TMEM169: variants seen among roughly 807,000 people sequenced by gnomAD.
TMEM169 encodes the protein transmembrane protein 169.
A neutral mutation model predicts 27.3 loss-of-function variants in TMEM169; 18 were observed. That is an observed-to-expected ratio of 0.66 (90% CI 0.46 to 0.98). The LOEUF is 0.98. TMEM169 is among the 50% of genes least tolerant of loss of function. TMEM169 has a pLI of 0.00. For synonymous variants in TMEM169, 136 were observed against 142.1 expected, an observed-to-expected ratio of 0.96 and a Z score of 0.30; for missense variants, 320 against 368.6, an observed-to-expected ratio of 0.87 and a Z score of 1.08.
At chr2:216,089,761 C>T (rs919366693) in intron 1 of TMEM169, among the ~76,000 whole-genome samples, 6 of 152,170 alleles carry the variant, frequency 3.9e-5, no homozygotes, top group Non-Finnish European at 8.8e-5. Context: ...GCCTTGACTT[C>T]TTCTAAATCT....
At chr2:216,097,940 G>A (rs1016779113) in intron 2 of TMEM169, among the ~76,000 whole-genome samples, 19 of 152,256 alleles carry the variant, frequency 1.2e-4, no homozygotes, top group Admixed American at 1.2e-3. Context: ...CTAGGGCAGA[G>A]TTTTTGGAGG....
At chr2:216,083,870 G>T (rs983257838) in intron 1 of TMEM169, among the ~76,000 whole-genome samples, 1 of 152,148 alleles carries the variant, frequency 6.6e-6, no homozygotes, top group African/African-American at 2.4e-5. Flanking sequence ...CCACTAATCC[G>T]CTAAGTTCCA....
chr2:216,097,540 A>C (rs1007870911), intron 2 of TMEM169, among the ~76,000 whole-genome samples: 19 of 152,038 alleles, frequency 1.2e-4, no homozygotes, highest in Non-Finnish European at 2.4e-4. Context: ...CTGCCACTGC[A>C]CTCCAGCCTG....
chr2:216,100,584 T>C lies in TMEM169; in HGVS notation c.*42T>C. Reference sequence around the variant, plus strand: ...TCCCTCCTCTGGCCCCAGTAGCCTATATATCATCTTAAAATTCCAGCAGAT... The same window carrying C: ...TCCCTCCTCTGGCCCCAGTAGCCTACATATCATCTTAAAATTCCAGCAGAT... On this transcript the variant is annotated 3_prime_UTR_variant, in exon 3 of 3. Coordinates refer to ENST00000437356, the MANE Select transcript of TMEM169 (RefSeq NM_001142311.2). 6.2e-7 allele frequency: 1 copy of C among 1,611,046 alleles called. No individual in the cohort carries two copies. The highest frequency in any genetic ancestry group is 8.5e-7 in the Non-Finnish European group (1 of 1,179,102).
Position 216,100,226 on chromosome 2 carries a change from T to A in TMEM169, c.578T>A (p.Val193Glu). 4 of 1,613,830 alleles carry A rather than the reference T, an allele frequency of 2.5e-6. No individual in the cohort carries two copies. Among genetic ancestry groups the A allele is most frequent in the Non-Finnish European group, 3.4e-6 (4 of 1,179,988 alleles). ...GTITWYNIFL[V>E]YNEERTFWHK... ...ATCACCTGGTACAACATCTTCCTCG[T>A]GTATAATGAGGAAAGGACCTTCTGG... The change falls in exon 3 of 3, where the codon GTG becomes GAG. Residue 193 changes from valine to glutamate, a missense_variant. Val to Glu is a moderately radical substitution (Grantham distance 121, BLOSUM62 -2). Transcript: ENST00000437356.
rs1413407482 is a variant in TMEM169, at chr2:216,099,296, T to C, written c.272-624T>C. ...TGCATGGTGTGTGGTGTGTGGTGTG[T>C]GTATGGGATAGTGTAGTGTGTGTAT... is the stretch of plus-strand genomic sequence containing the variant. On this transcript the variant is annotated intron_variant, in intron 2 of 2. Coordinates refer to ENST00000437356, the MANE Select transcript of TMEM169 (RefSeq NM_001142311.2). The surrounding 1 kb of genome is among the most constrained non-coding windows in gnomAD (Gnocchi z 5.0). Among the ~76,000 whole-genome samples the C allele has an allele frequency of 6.6e-6, 1 of 151,596 alleles. No homozygotes were observed. The highest frequency in any genetic ancestry group is 1.5e-5 in the Non-Finnish European group (1 of 67,874).
chr2:216,095,139 C>T (rs1360637190), intron 1 of TMEM169, among the ~76,000 whole-genome samples: 3 of 101,234 alleles, frequency 3.0e-5, no homozygotes, highest in African/African-American at 9.3e-5. Flanking sequence ...AGTCTCGCTC[C>T]GTCACCCAGG....
Position 216,099,612 on chromosome 2 carries a change from G to T in TMEM169, c.272-308G>T, listed in dbSNP as rs998223719. 2.6e-5 allele frequency among the ~76,000 whole-genome samples: 4 copies of T among 152,034 alleles called. No homozygotes were observed. Among genetic ancestry groups the T allele is most frequent in the Non-Finnish European group, 2.9e-5 (2 of 67,988 alleles). On this transcript the variant is annotated intron_variant, in intron 2 of 2. Transcript: ENST00000437356. This position sits in a 1 kb window ranked among gnomAD's most constrained non-coding sequence, Gnocchi z 5.0. ...GTATCAAAGTTCGTCACACTCCTCCGTGCCACAGAGATTGTGCCAAGATTG... is the reference window on the plus strand; with the variant it reads ...GTATCAAAGTTCGTCACACTCCTCCTTGCCACAGAGATTGTGCCAAGATTG...
intron 2 of TMEM169, among the ~76,000 whole-genome samples, chr2:216,098,144 A>G (rs1403796142): frequency 6.6e-6 from 1 of 152,190 alleles, no homozygotes; most frequent in East Asian, 1.9e-4. Context: ...TTTCAAGTGC[A>G]AGAGGAAGTC....
chr2:216,091,791 G>T (rs1039269446), intron 1 of TMEM169, among the ~76,000 whole-genome samples: 5 of 152,136 alleles, frequency 3.3e-5, no homozygotes, highest in African/African-American at 1.2e-4. Flanking sequence ...CTAAGACACT[G>T]AGGGAGATTG....
At chr2:216,086,436 C>T (rs1696000097) in intron 1 of TMEM169, among the ~76,000 whole-genome samples, 1 of 152,050 alleles carries the variant, frequency 6.6e-6, no homozygotes, top group Non-Finnish European at 1.5e-5. Context: ...AGAACAAAGT[C>T]CTCTCTCTTC....
At position 216,100,279 on chromosome 2, in the gene TMEM169, G is replaced by A. The variant is rs75335764; in HGVS notation, c.631G>A (p.Val211Ile). The change falls in exon 3 of 3, where the codon GTT becomes ATT. Residue 211 changes from valine to isoleucine, a missense_variant. Physicochemically the swap from Val to Ile is conservative, Grantham distance 29. Coordinates refer to ENST00000437356, the MANE Select transcript of TMEM169 (RefSeq NM_001142311.2). Reference sequence around the variant, plus strand: ...CAAGATCTCGTATTGCCCTTGCCTCGTTCTCTTCTATCCAGTGCTCATCAT... The same window carrying A: ...CAAGATCTCGTATTGCCCTTGCCTCATTCTCTTCTATCCAGTGCTCATCAT... ...WHKISYCPCL[V>I]LFYPVLIMAM... The A allele has an allele frequency of 1.4e-4, 228 of 1,613,458 alleles. No individual in the cohort carries two copies. In the East Asian group the frequency reaches 3.5e-3, roughly 25 times the overall value.
At chr2:216,098,113 C>T (rs561038735) in intron 2 of TMEM169, among the ~76,000 whole-genome samples, 5 of 151,756 alleles carry the variant, frequency 3.3e-5, no homozygotes, top group Admixed American at 6.6e-5. Flanking sequence ...TTGCAGGTCT[C>T]GGTAAAGAGT....
At chr2:216,092,655 G>A (rs1357826423) in intron 1 of TMEM169, among the ~76,000 whole-genome samples, 1 of 152,224 alleles carries the variant, frequency 6.6e-6, no homozygotes, top group Non-Finnish European at 1.5e-5. Context: ...CATCTTTAAA[G>A]AAGGAGTAAG....
intron 1 of TMEM169, among the ~76,000 whole-genome samples, chr2:216,093,269 A>G (rs1696182418): frequency 2.0e-5 from 3 of 151,856 alleles, no homozygotes; most frequent in African/African-American, 7.3e-5. Context: ...CTTTGGTAGA[A>G]GAGCCCTGGT....
intron 1 of TMEM169, among the ~76,000 whole-genome samples, chr2:216,085,116 A>G (rs1574428321): frequency 6.6e-6 from 1 of 152,278 alleles, no homozygotes; most frequent in East Asian, 1.9e-4. Flanking sequence ...CAGCCTTCCG[A>G]GAAGCTGAGA....
chr2:216,093,868 T>A (rs1002433943), intron 1 of TMEM169, among the ~76,000 whole-genome samples: 1 of 152,178 alleles, frequency 6.6e-6, no homozygotes, highest in African/African-American at 2.4e-5. Flanking sequence ...ACATGGTAAT[T>A]ACCAAAGATA....
At chr2:216,084,038 G>A (rs1161552160) in intron 1 of TMEM169, among the ~76,000 whole-genome samples, 3 of 152,134 alleles carry the variant, frequency 2.0e-5, no homozygotes, top group African/African-American at 7.2e-5. Context: ...GCTCTTCCCT[G>A]TGCTCTGCGT....
At position 216,100,569 on chromosome 2, in the gene TMEM169, G is replaced by C. The variant is rs368605893; in HGVS notation, c.*27G>C. On this transcript the variant is annotated 3_prime_UTR_variant, in exon 3 of 3. Coordinates refer to ENST00000437356, the MANE Select transcript of TMEM169 (RefSeq NM_001142311.2). ...CTCCCAACAACTTACTCCCTCCTCTGGCCCCAGTAGCCTATATATCATCTT... is the reference window on the plus strand; with the variant it reads ...CTCCCAACAACTTACTCCCTCCTCTCGCCCCAGTAGCCTATATATCATCTT... 5.0e-6 allele frequency: 8 copies of C among 1,613,216 alleles called. No individual in the cohort carries two copies. The Admixed American group carries it at 5.0e-5, about 10-fold the overall frequency.
Sources: gnomAD v4.1 joint callset for allele counts (sites outside exome capture counted in the v4.1 genomes callset) on GRCh38, gnomAD v4.1.1 for gene constraint, Gnocchi (gnomAD v3.1) non-coding constraint, MANE v1.5 for transcripts, NCBI Gene and HGNC (gene_info 2026-07-23, HGNC 2026-07-21) for gene names.